The following SYT14 variants were observed in gnomAD, a reference collection of about 807,000 sequenced individuals.
SYT14 encodes the protein synaptotagmin 14, also known as synaptotagmin-14.
Under a neutral mutation model 74.2 loss-of-function variants are expected in SYT14, and 32 were observed. The observed-to-expected ratio is 0.43, with a 90% CI of 0.33 to 0.58. The LOEUF (loss-of-function observed/expected upper bound fraction) is 0.58. Ranked by LOEUF, SYT14 falls within the 20% of genes least tolerant of loss-of-function variation. The pLI is 0.05. For synonymous variants in SYT14, 298 were observed against 337.7 expected, an observed-to-expected ratio of 0.88 and a Z score of 1.29; for missense variants, 791 against 981.8, an observed-to-expected ratio of 0.81 and a Z score of 2.60.
intron 5 of SYT14, among the ~76,000 whole-genome samples, chr1:210,092,493 G>T (rs1382760534): frequency 1.3e-5 from 2 of 152,172 alleles, no homozygotes; most frequent in South Asian, 2.1e-4. Flanking sequence ...AGAAAAAGAG[G>T]TTATGGATGG....
intron 1 of SYT14, among the ~76,000 whole-genome samples, chr1:209,949,638 TTTC>T (rs1203804796): frequency 1.3e-5 from 2 of 152,148 alleles, no homozygotes; most frequent in Non-Finnish European, 2.9e-5. Flanking sequence ...CTTTTTAATA[TTTC>T]TTCTTTTGTG....
At chr1:209,985,470 G>A (rs1443140607) in intron 2 of SYT14, among the ~76,000 whole-genome samples, 2 of 152,222 alleles carry the variant, frequency 1.3e-5, no homozygotes, top group Admixed American at 1.3e-4. Flanking sequence ...CTTTTTAGGG[G>A]GTCAGCCCCC....
At position 209,983,043 on chromosome 1, in the gene SYT14, GT is replaced by G. The variant is rs377692836; in HGVS notation, c.-486+30298del. 8.0e-3 allele frequency among the ~76,000 whole-genome samples: 1,153 copies of G among 143,812 alleles called. 12 individuals carry two copies. Among genetic ancestry groups the G allele is most frequent in the African/African-American group, 0.027 (1,050 of 39,488 alleles). The allele number at this position is 143,812 out of a possible 152,430, so 94.3% of individuals were successfully genotyped here. A position where few individuals can be genotyped will look rare whatever the true frequency, so the allele number is the denominator to read the frequency against. On this transcript the variant is annotated intron_variant, in intron 2 of 9. Coordinates refer to ENST00000637265, the Ensembl canonical transcript of SYT14. Reference sequence around the variant, plus strand: ...CTTTGGCCCATTTATTCATCAGGCTGTTTTTTTTTTTATTGTTGAGTTTTAA... The same window carrying G: ...CTTTGGCCCATTTATTCATCAGGCTGTTTTTTTTTTATTGTTGAGTTTTAA...
chr1:210,114,406 A>T (rs2082319180), intron 7 of SYT14, among the ~76,000 whole-genome samples: 1 of 151,304 alleles, frequency 6.6e-6, no homozygotes, highest in Admixed American at 6.6e-5. Flanking sequence ...ACTCTTCTCT[A>T]TTATTGTACA....
At chr1:210,088,645 C>T (rs1314100484) in intron 5 of SYT14, among the ~76,000 whole-genome samples, 2 of 151,968 alleles carry the variant, frequency 1.3e-5, no homozygotes, top group Non-Finnish European at 2.9e-5. Flanking sequence ...CCATGGAATA[C>T]TATGCAGCCA....
chr1:210,035,524 C>A (rs938343919), intron 5 of SYT14, among the ~76,000 whole-genome samples: 9 of 151,814 alleles, frequency 5.9e-5, no homozygotes, highest in African/African-American at 2.2e-4. Context: ...CCTAGATTTT[C>A]TTCTAGAGTT....
chr1:209,963,641 A>G (rs959525441), intron 2 of SYT14, among the ~76,000 whole-genome samples: 1 of 152,216 alleles, frequency 6.6e-6, no homozygotes, highest in African/African-American at 2.4e-5. Flanking sequence ...GTTTTCATAC[A>G]TCAACTGAAA....
At chr1:210,137,965 C>T (rs76837138) in intron 7 of SYT14, among the ~76,000 whole-genome samples, 12,640 of 152,174 alleles carry the variant, frequency 0.083, 1,665 homozygotes, top group African/African-American at 0.28. Flanking sequence ...AGGCGTGAGC[C>T]ACTGCGCCCA....
At chr1:209,969,806 C>T (rs779041795) in intron 2 of SYT14, among the ~76,000 whole-genome samples, 13 of 152,200 alleles carry the variant, frequency 8.5e-5, no homozygotes, top group South Asian at 2.1e-4. Flanking sequence ...TTTCATTTCT[C>T]TGATGATTAG....
At chr1:210,128,965 CTT>C in intron 7 of SYT14, among the ~76,000 whole-genome samples, 1 of 152,076 alleles carries the variant, frequency 6.6e-6, no homozygotes, top group East Asian at 1.9e-4. Flanking sequence ...CTTTTACTGC[CTT>C]TGTTTTCCTT....
chr1:210,161,363 T>C (rs2083369992), exon 10 of SYT14: 4 of 476,938 alleles, frequency 8.4e-6, no homozygotes, highest in Middle Eastern at 6.5e-4. Flanking sequence ...TTATGAAAAA[T>C]CAAAATTATA....
At chr1:209,970,210 A>C (rs2079227423) in intron 2 of SYT14, among the ~76,000 whole-genome samples, 1 of 152,134 alleles carries the variant, frequency 6.6e-6, no homozygotes, top group Admixed American at 6.6e-5. Context: ...TTTACATTTA[A>C]GTCTTTAATC....
In SYT14 at chr1:210,019,623, G is replaced by A. The variant is rs139981378; in HGVS notation, c.1097-1416G>A. ...CTTTATTTTACTGATTTAAAAACTAGGACTAGACTAGATGACATATAACCT... is the reference window on the plus strand; with the variant it reads ...CTTTATTTTACTGATTTAAAAACTAAGACTAGACTAGATGACATATAACCT... On this transcript the variant is annotated intron_variant, in intron 4 of 9. Transcript: ENST00000637265. 4.5e-3 allele frequency among the ~76,000 whole-genome samples: 691 copies of A among 152,196 alleles called. 10 individuals are homozygous for A. Among genetic ancestry groups the A allele is most frequent in the African/African-American group, 0.016 (654 of 41,518 alleles).
At chr1:210,027,890 T>G (rs540443936) in intron 5 of SYT14, among the ~76,000 whole-genome samples, 1 of 152,296 alleles carries the variant, frequency 6.6e-6, no homozygotes, top group Non-Finnish European at 1.5e-5. Flanking sequence ...TTTTTATTCC[T>G]TATTGTGATA....
intron 1 of SYT14, among the ~76,000 whole-genome samples, chr1:209,943,235 T>A (rs1308442222): frequency 6.6e-6 from 1 of 151,828 alleles, no homozygotes; most frequent in Non-Finnish European, 1.5e-5. Flanking sequence ...TGTTTTAAGG[T>A]TGTATTAGAA....
At position 210,016,334 on chromosome 1, in the gene SYT14, C is replaced by G. The variant is rs933541097; in HGVS notation, c.331C>G (p.Gln111Glu). 5 of 1,231,914 alleles carry G rather than the reference C, an allele frequency of 4.1e-6. No homozygotes were observed. In the African/African-American group the frequency reaches 6.2e-5, roughly 15 times the overall value. 76.3% of individuals were successfully genotyped at this position (1,231,914 alleles called of 1,614,324 possible). The change falls in exon 4 of 10, where the codon CAA (glutamine) becomes GAA (glutamate). Residue 111 changes from glutamine to glutamate, a missense_variant. Coordinates refer to ENST00000637265, the Ensembl canonical transcript of SYT14. ...TTGTAAAACTTCACTAAAGCAAGAT[C>G]AAGGAATACATGAAGAAAGAGTATT...
At chr1:210,093,625 A>G (rs897525248) in intron 5 of SYT14, among the ~76,000 whole-genome samples, 9 of 152,212 alleles carry the variant, frequency 5.9e-5, no homozygotes, top group Non-Finnish European at 7.3e-5. Flanking sequence ...ACTATAGACA[A>G]GATGGAGTCA....
intron 2 of SYT14, among the ~76,000 whole-genome samples, chr1:209,954,002 A>G (rs1008497194): frequency 6.6e-6 from 1 of 152,224 alleles, no homozygotes; most frequent in African/African-American, 2.4e-5. Flanking sequence ...TGCTGTATAC[A>G]TAAATCCAGA....
rs904948385 is a variant in SYT14 at position 209,938,346 on chromosome 1, C to G, written c.-534+69C>G. ...AGCTGGCGGGGGGCTCGGAGGTGCG[C>G]CGGCAGGCCGAGGCGCTGACGGGGC... On this transcript the variant is annotated intron_variant, in intron 1 of 9. Coordinates refer to ENST00000637265, the Ensembl canonical transcript of SYT14. The G allele has an allele frequency of 3.4e-6, 5 of 1,481,986 alleles. No homozygotes were observed. The Middle Eastern group carries it at 5.4e-4, about 161-fold the overall frequency. The allele number at this position is 1,481,986 out of a possible 1,614,324, so 91.8% of individuals were successfully genotyped here.
Sources: allele counts gnomAD v4.1 joint callset (sites outside exome capture counted in the v4.1 genomes callset), GRCh38; gene constraint gnomAD v4.1.1; transcripts MANE v1.5; gene names NCBI Gene and HGNC (gene_info 2026-07-23, HGNC 2026-07-21).